GIMD1: variants seen among roughly 807,000 people sequenced by gnomAD.
GIMD1 encodes GIMAP family P-loop NTPase domain containing 1, also known as GTPase IMAP family member GIMD1.
A neutral mutation model predicts 14.9 loss-of-function variants in GIMD1; 14 were observed. That is an observed-to-expected ratio of 0.94 (90% confidence interval 0.62 to 1.47). The LOEUF (loss-of-function observed/expected upper bound fraction) is 1.47. Ranked by LOEUF, GIMD1 falls within the 40% of genes most tolerant of loss-of-function variation. GIMD1 has a pLI of 0.00. For synonymous variants in GIMD1, 91 were observed against 90.5 expected, an observed-to-expected ratio of 1.01 and a Z score of -0.03; for missense variants, 272 against 255.3, an observed-to-expected ratio of 1.07 and a Z score of -0.44.
In GIMD1 at chr4:106,367,386, G is replaced by A. The variant is rs2125935030; in HGVS notation, c.50C>T (p.Thr17Ile). The change falls in exon 2 of 3, where the codon ACT (threonine) becomes ATT (isoleucine). Residue 17 changes from threonine to isoleucine, a missense_variant. Coordinates refer to ENST00000638719, the MANE Select transcript of GIMD1 (RefSeq NM_001195138.2). ...MIINLALFGM[T>I]QSGKSSAGNI... ...TCCAGCAGAACTTTTTCCACTCTGA[G>A]TCATGCCAAAGAGGGCCAAGTTGAT... The A allele has an allele frequency of 1.3e-6, 2 of 1,535,822 alleles. No homozygotes were observed. Among genetic ancestry groups the A allele is most frequent in the South Asian group, 2.4e-5 (2 of 84,036 alleles).
Position 106,368,704 on chromosome 4 carries a change from G to A in GIMD1, c.-3+6C>T, listed in dbSNP as rs1040531099. 8 of 398,190 alleles carry A rather than the reference G, an allele frequency of 2.0e-5. No homozygotes were observed. The highest frequency in any genetic ancestry group is 1.3e-4 in the South Asian group (1 of 7,856). The allele number at this position is 398,190 out of a possible 1,614,324, so 24.7% of individuals were successfully genotyped here. A position where few individuals can be genotyped will look rare whatever the true frequency, so the allele number is the denominator to read the frequency against. On this transcript the variant is annotated splice_donor_region_variant and intron_variant, in intron 1 of 2. Transcript: ENST00000638719. ...AATCCCAATCCATTTGCTATATTTC[G>A]CTTACCTTTTCCAGTCTTGAAAATG...
chr4:106,363,971 G>A (rs918341796), intron 2 of GIMD1, among the ~76,000 whole-genome samples: 1 of 151,506 alleles, frequency 6.6e-6, no homozygotes, highest in Non-Finnish European at 1.5e-5. Context: ...TTTCCTTGAG[G>A]TGACTATATT....
chr4:106,358,528 T>C, intron 2 of GIMD1, 85 bp from the exon 3 acceptor site: 1 of 963,270 alleles, frequency 1.0e-6, no homozygotes, highest in Non-Finnish European at 1.5e-6. Context: ...CCAATATAGA[T>C]AGCCAGCAGA....
chr4:106,360,176 G>A (rs999659728), intron 2 of GIMD1, among the ~76,000 whole-genome samples: 3 of 151,684 alleles, frequency 2.0e-5, no homozygotes, highest in Non-Finnish European at 2.9e-5. Flanking sequence ...TCATGAATTT[G>A]CCTGTAGTCT....
intron 2 of GIMD1, among the ~76,000 whole-genome samples, chr4:106,359,328 A>G (rs1344345193): frequency 2.0e-5 from 3 of 151,920 alleles, no homozygotes; most frequent in Non-Finnish European, 4.4e-5. Context: ...AAATATTTCC[A>G]AAGCTACTAC....
In GIMD1 at chr4:106,358,045, C is replaced by T; in HGVS notation, c.*138G>A. 1 of 569,884 alleles carries T rather than the reference C, an allele frequency of 1.8e-6. No homozygotes were observed. Among genetic ancestry groups the T allele is most frequent in the African/African-American group, 1.9e-5 (1 of 52,588 alleles). 35.3% of individuals were successfully genotyped at this position (569,884 alleles called of 1,614,324 possible). On this transcript the variant is annotated 3_prime_UTR_variant, in exon 3 of 3. Coordinates refer to ENST00000638719, the MANE Select transcript of GIMD1 (RefSeq NM_001195138.2). ...ATGTTCTTTTTAACTTCTAGTTTTC[C>T]AAAGTGGTTATACCAATGTACACTC...
Position 106,358,222 on chromosome 4 carries a change from A to G in GIMD1, c.615T>C (p.Phe205=). 6.6e-7 allele frequency: 1 copy of G among 1,510,020 alleles called. No individual in the cohort carries two copies. The highest frequency in any genetic ancestry group is 8.8e-7 in the Non-Finnish European group (1 of 1,133,288). The allele number at this position is 1,510,020 out of a possible 1,614,324, so 93.5% of individuals were successfully genotyped here. ...GAACTTGGTAACAGTTCTCTTTTAT[A>G]AATTCCATGATTCTTTCTAAGATTT... ...RMKILERIME[F]IKENCYQVLT... is the part of the protein sequence containing the mutation. Residue 205 remains phenylalanine, a synonymous_variant, in exon 3 of 3, where the codon TTT becomes TTC. Transcript: ENST00000638719.
At chr4:106,364,749 C>T (rs929918864) in intron 2 of GIMD1, among the ~76,000 whole-genome samples, 1 of 152,144 alleles carries the variant, frequency 6.6e-6, no homozygotes, top group Non-Finnish European at 1.5e-5. Context: ...CATCTCCTTG[C>T]TGCCTTCAGT....
chr4:106,363,331 A>G (rs545093015), intron 2 of GIMD1, among the ~76,000 whole-genome samples: 3 of 152,220 alleles, frequency 2.0e-5, no homozygotes, highest in South Asian at 4.1e-4. Context: ...CAATTTACCA[A>G]TGAAGTTTAC....
At chr4:106,362,899 G>A (rs1337325115) in intron 2 of GIMD1, among the ~76,000 whole-genome samples, 1 of 151,938 alleles carries the variant, frequency 6.6e-6, no homozygotes, top group Non-Finnish European at 1.5e-5. Context: ...GAGGTATTGA[G>A]GACTTACGGT....
intron 2 of GIMD1, among the ~76,000 whole-genome samples, chr4:106,360,369 T>C (rs1016526088): frequency 5.9e-5 from 9 of 152,092 alleles, no homozygotes; most frequent in African/African-American, 1.7e-4. Context: ...TAATAGATTA[T>C]AAACTTTAAA....
chr4:106,361,615 GAA>G (rs1348931906), intron 2 of GIMD1, among the ~76,000 whole-genome samples: 2 of 151,984 alleles, frequency 1.3e-5, no homozygotes, highest in African/African-American at 4.8e-5. Flanking sequence ...AGTACGCTAT[GAA>G]TATGGTCATA....
chr4:106,361,319 A>G (rs1348455112), intron 2 of GIMD1, among the ~76,000 whole-genome samples: 1 of 152,068 alleles, frequency 6.6e-6, no homozygotes, highest in South Asian at 2.1e-4. Context: ...TGCAAGTGTG[A>G]TAGAAATTAT....
At chr4:106,364,031 T>G (rs1308981825) in intron 2 of GIMD1, among the ~76,000 whole-genome samples, 1 of 152,126 alleles carries the variant, frequency 6.6e-6, no homozygotes, top group African/African-American at 2.4e-5. Flanking sequence ...TCAAATGAGA[T>G]TCCAGATAAT....
intron 2 of GIMD1, among the ~76,000 whole-genome samples, chr4:106,364,210 T>A (rs1207903099): frequency 6.6e-6 from 1 of 152,044 alleles, no homozygotes; most frequent in Non-Finnish European, 1.5e-5. Flanking sequence ...TGCAAAATAT[T>A]AGAGTACAAA....
At chr4:106,367,554 T>C (rs1770723785) in intron 1 of GIMD1, 117 bp from the exon 2 acceptor site, 5 of 976,040 alleles carry the variant, frequency 5.1e-6, no homozygotes, top group Non-Finnish European at 7.3e-6. Flanking sequence ...TTTCCCTTCA[T>C]TCGTAGTGAC....
rs1231972008 is a variant in GIMD1 at position 106,358,209 on chromosome 4, A to G, written c.628T>C (p.Cys210Arg). Reference protein sequence around the residue: ...ERIMEFIKENCYQVLTFK With the variant: ...ERIMEFIKENRYQVLTFK ...TATTTAAATGTAAGAACTTGGTAAC[A>G]GTTCTCTTTTATAAATTCCATGATT... is the stretch of plus-strand genomic sequence containing the variant. Residue 210 changes from cysteine to arginine, a missense_variant, in exon 3 of 3, where the codon TGT becomes CGT. Physicochemically the swap from Cys to Arg is radical, Grantham distance 180 (BLOSUM62 -3). Coordinates refer to ENST00000638719, the MANE Select transcript of GIMD1 (RefSeq NM_001195138.2). The G allele has an allele frequency of 1.1e-5, 17 of 1,503,890 alleles. No individual in the cohort carries two copies. Among genetic ancestry groups the G allele is most frequent in the Non-Finnish European group, 1.5e-5 (17 of 1,131,208 alleles). The allele number at this position is 1,503,890 out of a possible 1,614,324, so 93.2% of individuals were successfully genotyped here.
chr4:106,366,201 T>G (rs1344338966), intron 2 of GIMD1, among the ~76,000 whole-genome samples: 1 of 152,168 alleles, frequency 6.6e-6, no homozygotes, highest in Non-Finnish European at 1.5e-5. Flanking sequence ...CTACAACTGA[T>G]AAGGCAAGCA....
chr4:106,365,309 C>T (rs960696331), intron 2 of GIMD1, among the ~76,000 whole-genome samples: 1 of 151,616 alleles, frequency 6.6e-6, no homozygotes, highest in African/African-American at 2.4e-5. Context: ...CTTGGTTTTT[C>T]AGGAGTTACA....
Sources: allele counts gnomAD v4.1 joint callset (sites outside exome capture counted in the v4.1 genomes callset), GRCh38; gene constraint gnomAD v4.1.1; transcripts MANE v1.5; gene names NCBI Gene and HGNC (gene_info 2026-07-23, HGNC 2026-07-21).